Variants in DCAF4 observed in about 807,000 individuals in gnomAD.
The protein encoded by DCAF4 is DDB1- and CUL4-associated factor 4.
DCAF4 carries 37 observed loss-of-function variants against 60.9 expected under a neutral mutation model. The observed-to-expected ratio is 0.61, with a 90% CI of 0.47 to 0.80. DCAF4 has a LOEUF of 0.80. DCAF4 is among the 30% of genes least tolerant of loss of function. The pLI is 0.00. For missense variants in DCAF4, 577 were observed against 650.0 expected, an observed-to-expected ratio of 0.89 and a Z score of 1.22; for synonymous variants, 243 against 254.8, an observed-to-expected ratio of 0.95 and a Z score of 0.44.
At chr14:72,958,554 G>A in intron 13 of DCAF4, 58 bp from the exon 14 acceptor site, 2 of 1,599,992 alleles carry the variant, frequency 1.3e-6, no homozygotes, top group Non-Finnish European at 1.7e-6. Context: ...TCCACATGTA[G>A]GTAAGTTTTC....
In DCAF4 at chr14:72,959,391, T is replaced by C; in HGVS notation, c.*586T>C. On this transcript the variant is annotated 3_prime_UTR_variant, in exon 14 of 14. Transcript: ENST00000358377. ...ATTCTGCTGTTATTATCCAAAGGCG[T>C]TGGAAGGAAAGATGGATCTTCTTAC... The C allele has an allele frequency of 2.0e-6, 2 of 985,480 alleles. No homozygotes were observed. The highest frequency in any genetic ancestry group is 2.4e-6 in the Non-Finnish European group (2 of 829,974). 61.0% of individuals were successfully genotyped at this position (985,480 alleles called of 1,614,324 possible).
At chr14:72,954,012 T>G in intron 9 of DCAF4, 152 bp from the exon 10 acceptor site, 2 of 751,484 alleles carry the variant, frequency 2.7e-6, no homozygotes, top group Non-Finnish European at 4.5e-6. Flanking sequence ...GCATCCCAGC[T>G]GAGTCTCTCT....
intron 1 of DCAF4, among the ~76,000 whole-genome samples, chr14:72,934,184 G>A (rs774624409): frequency 1.7e-4 from 25 of 143,666 alleles, no homozygotes; most frequent in Admixed American, 5.9e-4. Context: ...ACGGAGTCTC[G>A]CTCTGTTGCT....
intron 1 of DCAF4, among the ~76,000 whole-genome samples, chr14:72,937,761 C>T (rs138102563): frequency 1.3e-5 from 2 of 152,120 alleles, no homozygotes; most frequent in African/African-American, 4.8e-5. Context: ...ATGTGGTCGA[C>T]TAAGGGTAAC....
chr14:72,938,004 G>C lies in DCAF4; in HGVS notation c.26G>C (p.Arg9Thr). 1 of 1,608,640 alleles carries C rather than the reference G, an allele frequency of 6.2e-7. No individual in the cohort carries two copies. Among genetic ancestry groups the C allele is most frequent in the Non-Finnish European group, 8.5e-7 (1 of 1,178,558 alleles). Residue 9 changes from arginine to threonine, a missense_variant, in exon 2 of 14, where the codon AGA becomes ACA. Physicochemically the swap from Arg to Thr is moderately conservative, Grantham distance 71. Transcript: ENST00000358377. MNKSRWQS[R>T]RRHGRRSHQQ... ...ATGAATAAAAGTCGCTGGCAGAGTA[G>C]AAGACGACATGGGAGAAGAAGCCAC...
chr14:72,928,592 T>TATATATATATAA (rs1208645113), intron 1 of DCAF4, among the ~76,000 whole-genome samples: 12 of 4,688 alleles, frequency 2.6e-3, no homozygotes, highest in Admixed American at 0.012. Context: ...CCTTTATATA[T>TATATATATATAA]ATATATATAT....
In DCAF4 at chr14:72,959,378, T is replaced by C. The variant is rs1317082141; in HGVS notation, c.*573T>C. 2 of 985,406 alleles carry C rather than the reference T, an allele frequency of 2.0e-6. No homozygotes were observed. The highest frequency in any genetic ancestry group is 3.5e-5 in the African/African-American group (2 of 57,240). The allele number at this position is 985,406 out of a possible 1,614,324, so 61.0% of individuals were successfully genotyped here. On this transcript the variant is annotated 3_prime_UTR_variant, in exon 14 of 14. Coordinates refer to ENST00000358377, the MANE Select transcript of DCAF4 (RefSeq NM_015604.4). Reference sequence around the variant, plus strand: ...GCAGATCTCCGGGATTCTGCTGTTATTATCCAAAGGCGTTGGAAGGAAAGA... The same window carrying C: ...GCAGATCTCCGGGATTCTGCTGTTACTATCCAAAGGCGTTGGAAGGAAAGA...
intron 1 of DCAF4, chr14:72,935,164 G>A (rs1210397040): frequency 6.6e-6 from 1 of 152,182 alleles, no homozygotes; most frequent in African/African-American, 2.4e-5. Flanking sequence ...CCCCTGAACA[G>A]GCTTCTTAAA....
chr14:72,938,759 G>A lies in DCAF4; in HGVS notation c.92+689G>A, dbSNP rs76295055. Among the ~76,000 whole-genome samples, 416 of 152,058 alleles carry A rather than the reference G, an allele frequency of 2.7e-3. 2 individuals carry two copies. The highest frequency in any genetic ancestry group is 9.6e-3 in the African/African-American group (399 of 41,490). ...GGGTATATAAGATTTTTTTTTAAAT[G>A]GTATACCTATGTATGACACTCCTGT... On this transcript the variant is annotated intron_variant, in intron 2 of 13. Transcript: ENST00000358377.
chr14:72,930,006 C>T (rs980214570), intron 1 of DCAF4: 4 of 610,114 alleles, frequency 6.6e-6, no homozygotes, highest in Non-Finnish European at 8.6e-6. Flanking sequence ...GTGGCTCGTG[C>T]CTGTAATTCC....
chr14:72,959,467 C>T lies in DCAF4; in HGVS notation c.*662C>T. On this transcript the variant is annotated 3_prime_UTR_variant, in exon 14 of 14. Coordinates refer to ENST00000358377, the MANE Select transcript of DCAF4 (RefSeq NM_015604.4). ...AACATGCCTTTGTTCAAGCACCTTC[C>T]AGAATGTAAGGTTCAGCAGCTCTGG... 1 of 985,562 alleles carries T rather than the reference C, an allele frequency of 1.0e-6. No individual in the cohort carries two copies. Among genetic ancestry groups the T allele is most frequent in the Non-Finnish European group, 1.2e-6 (1 of 829,936 alleles). 61.1% of individuals were successfully genotyped at this position (985,562 alleles called of 1,614,324 possible).
intron 12 of DCAF4, 23 bp from the exon 13 acceptor site, chr14:72,956,363 G>A (rs945626074): frequency 3.2e-6 from 5 of 1,570,210 alleles, no homozygotes; most frequent in African/African-American, 1.4e-5. Context: ...CCTCCCTGAT[G>A]GCCCCTGGTG....
intron 1 of DCAF4, among the ~76,000 whole-genome samples, chr14:72,935,763 G>A (rs1308960619): frequency 1.3e-5 from 2 of 152,180 alleles, no homozygotes; most frequent in Admixed American, 6.5e-5. Flanking sequence ...ACACAGTCCT[G>A]CCTCCTGTGG....
At chr14:72,930,002 C>T (rs1266817252) in intron 1 of DCAF4, 18 of 621,374 alleles carry the variant, frequency 2.9e-5, no homozygotes, top group South Asian at 1.6e-4. Flanking sequence ...TGTTGTGGCT[C>T]GTGCCTGTAA....
intron 13 of DCAF4, chr14:72,956,712 T>C: frequency 2.1e-6 from 1 of 482,658 alleles, no homozygotes; most frequent in Non-Finnish European, 3.8e-6. Context: ...GTGGACAGCC[T>C]CATCCCATGT....
Position 72,958,943 on chromosome 14 carries a change from G to A in DCAF4, c.*138G>A. 1.4e-6 allele frequency: 2 copies of A among 1,383,614 alleles called. No individual in the cohort carries two copies. The allele number at this position is 1,383,614 out of a possible 1,614,324, so 85.7% of individuals were successfully genotyped here. A position where few individuals can be genotyped will look rare whatever the true frequency, so the allele number is the denominator to read the frequency against. ...ATCCTCTGGCTGCTAGGAGAGAAGT[G>A]CTGAATGTTCCGTGTGGAGATGCTC... is the stretch of plus-strand genomic sequence containing the variant. On this transcript the variant is annotated 3_prime_UTR_variant, in exon 14 of 14. Transcript: ENST00000358377.
At chr14:72,937,717 C>G (rs1181164116) in intron 1 of DCAF4, among the ~76,000 whole-genome samples, 1 of 152,144 alleles carries the variant, frequency 6.6e-6, no homozygotes, top group East Asian at 1.9e-4. Flanking sequence ...CCGCGCCTGG[C>G]CGACCTGGCA....
At position 72,943,989 on chromosome 14, in the gene DCAF4, G is replaced by T. The variant is rs146145409; in HGVS notation, c.534+893G>T. On this transcript the variant is annotated intron_variant, in intron 6 of 13. Transcript: ENST00000358377. ...TCTCCCATGTGGCTTTTCTCTCCAT[G>T]TGTGCTTGGGGGTATGGTTTGACTG... Among the ~76,000 whole-genome samples, 178 of 152,320 alleles carry T rather than the reference G, an allele frequency of 1.2e-3. 1 individual carries two copies. The East Asian group carries it at 0.024, about 20-fold the overall frequency.
Position 72,951,875 on chromosome 14 carries a change from C to G in DCAF4, c.806C>G (p.Pro269Arg). 3 of 1,614,138 alleles carry G rather than the reference C, an allele frequency of 1.9e-6. No individual in the cohort carries two copies. The highest frequency in any genetic ancestry group is 2.5e-6 in the Non-Finnish European group (3 of 1,180,026). Residue 269 changes from proline (P) to arginine (R), a missense_variant and splice_region_variant, in exon 9 of 14, where the codon CCA becomes CGA. Physicochemically the swap from Pro to Arg is moderately radical, Grantham distance 103. Coordinates refer to ENST00000358377, the MANE Select transcript of DCAF4 (RefSeq NM_015604.4). ...GCATCACTGTTCGTCAATAGTCACC[C>G]AGGTACAGGGTTCTCCTCCTTTAAA... ...LPASLFVNSH[P>R]GIDRPGMLCS...
Sources: allele counts gnomAD v4.1 joint callset (sites outside exome capture counted in the v4.1 genomes callset), GRCh38; gene constraint gnomAD v4.1.1; transcripts MANE v1.5; gene names NCBI Gene and HGNC (gene_info 2026-07-23, HGNC 2026-07-21).